Variants in HRK observed in about 807,000 individuals in gnomAD.
The protein encoded by HRK is activator of apoptosis harakiri.
In HRK, 6 loss-of-function variants were observed where a neutral mutation model predicts 5.9. That is an observed-to-expected ratio of 1.02 (90% CI 0.56 to 2.01). HRK has a LOEUF of 2.01. Among genes scored for constraint, HRK ranks in the 30% most tolerant of loss-of-function variants. The probability of loss-of-function intolerance (pLI) is 0.00; values close to 1 mark genes in which losing one functional copy is unlikely to be tolerated. For synonymous variants in HRK, 85 were observed against 65.1 expected (o/e 1.31, Z -1.47); for missense variants, 133 against 128.3 (o/e 1.04, Z -0.18).
intron 1 of HRK, among the ~76,000 whole-genome samples, chr12:116,877,954 G>C (rs1878998317): frequency 6.6e-6 from 1 of 152,216 alleles, no homozygotes; most frequent in South Asian, 2.1e-4. Flanking sequence ...CGCCCAGGCT[G>C]GAGTGCAGTG....
intron 1 of HRK, chr12:116,867,805 G>A (rs1004479155): frequency 2.6e-5 from 4 of 152,160 alleles, no homozygotes; most frequent in Non-Finnish European, 5.9e-5. Context: ...TTTTTAGTGA[G>A]GAAAAAGCAG....
chr12:116,865,095 ATGT>A (rs777042715), intron 1 of HRK, among the ~76,000 whole-genome samples: 1 of 152,136 alleles, frequency 6.6e-6, no homozygotes. Flanking sequence ...GGCTGCAGTG[ATGT>A]TGTGCCGCTT....
chr12:116,863,479 ACT>A (rs1286514051), intron 1 of HRK, among the ~76,000 whole-genome samples: 3 of 150,762 alleles, frequency 2.0e-5, no homozygotes, highest in Non-Finnish European at 4.4e-5. Context: ...TACTGCATTC[ACT>A]CTCGCTGGTT....
chr12:116,863,941 A>G (rs981431741), intron 1 of HRK, among the ~76,000 whole-genome samples: 1 of 152,040 alleles, frequency 6.6e-6, no homozygotes, highest in Non-Finnish European at 1.5e-5. Context: ...GCCTCAAGCA[A>G]TCGTCCCGCA....
Position 116,880,958 on chromosome 12 carries a change from G to T in HRK, c.*56+18C>A, listed in dbSNP as rs967596859. ...GCCCAGCTGCCGCGCCCCGGCTCTC[G>T]CTCGCTCGCTCGCGTACCTGTTGCT... is the stretch of plus-strand genomic sequence containing the variant. On this transcript the variant is annotated intron_variant, in intron 1 of 1. Transcript: ENST00000257572. The T allele has an allele frequency of 9.1e-7, 1 of 1,100,934 alleles. No homozygotes were observed. Among genetic ancestry groups the T allele is most frequent in the South Asian group, 2.9e-5 (1 of 33,908 alleles). The allele number at this position is 1,100,934 out of a possible 1,614,324, so 68.2% of individuals were successfully genotyped here.
rs1371136326 is a variant in HRK, at chr12:116,859,836, G to T, written c.*1687C>A. ...AGAGGTTGTACATTCTAAAGGACCT[G>T]GTCATTTACAGCAAAGCCTATGGAG... On this transcript the variant is annotated 3_prime_UTR_variant, in exon 2 of 2. Transcript: ENST00000257572. The T allele has an allele frequency of 1.3e-5, 2 of 152,148 alleles. No individual in the cohort carries two copies. The highest frequency in any genetic ancestry group is 4.8e-5 in the African/African-American group (2 of 41,426). 9.4% of individuals were successfully genotyped at this position (152,148 alleles called of 1,614,324 possible).
chr12:116,869,315 A>ACATATCAT (rs1878660613), intron 1 of HRK, among the ~76,000 whole-genome samples: 2 of 152,098 alleles, frequency 1.3e-5, no homozygotes, highest in South Asian at 4.1e-4. Flanking sequence ...TAAGAACAAC[A>ACATATCAT]CATATCATAG....
intron 1 of HRK, among the ~76,000 whole-genome samples, chr12:116,870,647 TA>T (rs960839786): frequency 6.6e-6 from 1 of 151,746 alleles, no homozygotes; most frequent in Middle Eastern, 3.2e-3. Context: ...ACCCCATCTC[TA>T]AAAAAAAGTA....
chr12:116,864,180 A>G (rs1343682374), intron 1 of HRK, among the ~76,000 whole-genome samples: 4 of 152,226 alleles, frequency 2.6e-5, no homozygotes, highest in South Asian at 4.1e-4. Flanking sequence ...GTTGGTGTCT[A>G]GCCATAAACC....
At chr12:116,866,239 G>A (rs1265686263) in intron 1 of HRK, among the ~76,000 whole-genome samples, 1 of 150,368 alleles carries the variant, frequency 6.7e-6, no homozygotes, top group African/African-American at 2.4e-5. Flanking sequence ...AGTTTCAATG[G>A]TACCAATCAT....
At chr12:116,865,137 G>A (rs1006472602) in intron 1 of HRK, among the ~76,000 whole-genome samples, 12 of 152,164 alleles carry the variant, frequency 7.9e-5, no homozygotes, top group Non-Finnish European at 1.0e-4. Context: ...GCTGAAAACC[G>A]TAAACCCCAG....
chr12:116,862,539 T>C lies in HRK; in HGVS notation c.*57-1073A>G, dbSNP rs1212395355. Among the ~76,000 whole-genome samples, 1 of 152,068 alleles carries C rather than the reference T, an allele frequency of 6.6e-6. No individual in the cohort carries two copies. On this transcript the variant is annotated intron_variant, in intron 1 of 1. Coordinates refer to ENST00000257572, the MANE Select transcript of HRK (RefSeq NM_003806.4). The surrounding 1 kb of genome is among the most constrained non-coding windows in gnomAD (Gnocchi z 4.0). The stretch of plus-strand genomic sequence containing the variant: ...AGATCTTCTGGGACAGAAAGGAGAA[T>C]GGTGGTTGCCTAGGGCCGGGGCGGA...
chr12:116,858,368 TC>T lies in HRK; in HGVS notation c.*3154del, dbSNP rs905101458. The T allele has an allele frequency of 2.0e-5, 3 of 151,782 alleles. No homozygotes were observed. The highest frequency in any genetic ancestry group is 4.4e-5 in the Non-Finnish European group (3 of 67,976). 9.4% of individuals were successfully genotyped at this position (151,782 alleles called of 1,614,324 possible). ...AGAGATTGTATTTGTTTGTGGGAGATCAGGTGGGGGTGAGAAGCTTCCAGAA... is the reference window on the plus strand; with the variant it reads ...AGAGATTGTATTTGTTTGTGGGAGATAGGTGGGGGTGAGAAGCTTCCAGAA... On this transcript the variant is annotated 3_prime_UTR_variant, in exon 2 of 2. Coordinates refer to ENST00000257572, the MANE Select transcript of HRK (RefSeq NM_003806.4).
intron 1 of HRK, among the ~76,000 whole-genome samples, chr12:116,880,157 A>G (rs1361099207): frequency 6.6e-6 from 1 of 151,792 alleles, no homozygotes; most frequent in Non-Finnish European, 1.5e-5. Flanking sequence ...TCAACACATG[A>G]CCTCCCTAAA....
At position 116,864,173 on chromosome 12, in the gene HRK, G is replaced by A. The variant is rs187231935; in HGVS notation, c.*57-2707C>T. On this transcript the variant is annotated intron_variant, in intron 1 of 1. Coordinates refer to ENST00000257572, the MANE Select transcript of HRK (RefSeq NM_003806.4). ...TTTGTAACCCCTAAACATCTCTGTTGGTGTCTAGCCATAAACCTACAGAAT... is the reference window on the plus strand; with the variant it reads ...TTTGTAACCCCTAAACATCTCTGTTAGTGTCTAGCCATAAACCTACAGAAT... Among the ~76,000 whole-genome samples the A allele has an allele frequency of 2.6e-3, 395 of 152,230 alleles. 2 individuals carry two copies. The highest frequency in any genetic ancestry group is 9.0e-3 in the African/African-American group (372 of 41,526).
At chr12:116,865,760 G>C (rs1377767367) in intron 1 of HRK, among the ~76,000 whole-genome samples, 1 of 151,904 alleles carries the variant, frequency 6.6e-6, no homozygotes, top group African/African-American at 2.4e-5. Context: ...TCTCTTTTTT[G>C]TTCTTTTCCT....
rs528475649 is a variant in HRK at position 116,879,994 on chromosome 12, G to C, written c.*56+982C>G. ...ACTCCAGGATCCAGAGTAGTAAGACGATGCTTACGCTGTGTGCTTCCTCAA... is the reference window on the plus strand; with the variant it reads ...ACTCCAGGATCCAGAGTAGTAAGACCATGCTTACGCTGTGTGCTTCCTCAA... On this transcript the variant is annotated intron_variant, in intron 1 of 1. Transcript: ENST00000257572. The surrounding 1 kb of genome is among the most constrained non-coding windows in gnomAD (Gnocchi z 5.6). Among the ~76,000 whole-genome samples, 3 of 152,246 alleles carry C rather than the reference G, an allele frequency of 2.0e-5. No homozygotes were observed. The East Asian group carries it at 5.8e-4, about 30-fold the overall frequency.
intron 1 of HRK, among the ~76,000 whole-genome samples, chr12:116,876,181 C>T (rs894443134): frequency 1.3e-5 from 2 of 152,204 alleles, no homozygotes; most frequent in African/African-American, 2.4e-5. Flanking sequence ...ACTATGCGAG[C>T]GGATGACTCC....
At chr12:116,871,456 C>A (rs1488038784) in intron 1 of HRK, among the ~76,000 whole-genome samples, 1 of 151,378 alleles carries the variant, frequency 6.6e-6, no homozygotes, top group African/African-American at 2.4e-5. Flanking sequence ...GCATGTGCCA[C>A]CACACCAGGC....
Sources: gnomAD v4.1 joint callset for allele counts (sites outside exome capture counted in the v4.1 genomes callset) on GRCh38, gnomAD v4.1.1 for gene constraint, Gnocchi (gnomAD v3.1) non-coding constraint, MANE v1.5 for transcripts, NCBI Gene and HGNC (gene_info 2026-07-23, HGNC 2026-07-21) for gene names.